HYDIN: variants seen among roughly 807,000 people sequenced by gnomAD.
HYDIN encodes the protein axonemal central pair apparatus protein HYDIN.
Under a neutral mutation model 403.9 loss-of-function variants are expected in HYDIN, and 132 were observed. That is an observed-to-expected ratio of 0.33 (90% CI 0.28 to 0.38). HYDIN has a LOEUF of 0.38. HYDIN is among the 10% of genes least tolerant of loss of function. HYDIN has a pLI of 1.00. For synonymous variants in HYDIN, 1,202 were observed against 1,891.7 expected (o/e 0.64, Z 9.46); for missense variants, 2,827 against 5,009.5 (o/e 0.56, Z 13.15).
At chr16:71,175,519 CA>C in intron 5 of HYDIN, 87 bp downstream of exon 5, 1 of 1,369,906 alleles carries the variant, frequency 7.3e-7, no homozygotes, top group Non-Finnish European at 1.0e-6. Context: ...CCACCACCAC[CA>C]CCAGCACTAC....
chr16:71,124,431 G>A (rs912831885), intron 9 of HYDIN, among the ~76,000 whole-genome samples: 18 of 151,962 alleles, frequency 1.2e-4, no homozygotes, highest in African/African-American at 4.4e-4. Context: ...TTAGGGACAG[G>A]GTCTAATCTC....
chr16:70,835,577 C>T (rs2037373507), intron 78 of HYDIN, 99 bp downstream of exon 78: 3 of 643,396 alleles, frequency 4.7e-6, no homozygotes, highest in Admixed American at 5.8e-5. Context: ...TGGCACATTA[C>T]AGATGCACAA....
intron 45 of HYDIN, among the ~76,000 whole-genome samples, chr16:70,922,372 T>TA (rs2077021748): frequency 6.6e-6 from 1 of 152,232 alleles, no homozygotes; most frequent in South Asian, 2.1e-4. Flanking sequence ...AGCTGGAGGC[T>TA]AGCAGTAAAC....
At chr16:70,938,856 C>A in intron 43 of HYDIN, 101 bp from the exon 44 acceptor site, 2 of 1,148,694 alleles carry the variant, frequency 1.7e-6, no homozygotes, top group Non-Finnish European at 2.5e-6. Context: ...GCAGCTGGTA[C>A]GGCGCCTGGT....
chr16:70,811,078 A>G (rs987466401), intron 84 of HYDIN, among the ~76,000 whole-genome samples: 7 of 152,196 alleles, frequency 4.6e-5, no homozygotes, highest in South Asian at 2.1e-4. Flanking sequence ...ATACTTTTAT[A>G]TAGGTAAAAT....
Position 70,834,076 on chromosome 16 carries a change from A to G in HYDIN, c.13490T>C (p.Val4497Ala). The G allele has an allele frequency of 1.3e-6, 2 of 1,598,944 alleles. No individual in the cohort carries two copies. The highest frequency in any genetic ancestry group is 1.7e-6 in the Non-Finnish European group (2 of 1,167,320). Reference sequence around the variant, plus strand: ...GAACACTTCCTCAGAGAAGGGAGGGACACGCTTCTTCGGGGCAAAGATGAC... The same window carrying G: ...GAACACTTCCTCAGAGAAGGGAGGGGCACGCTTCTTCGGGGCAAAGATGAC... ...LEVIFAPKKR[V>A]PPFSEEVFME... The change falls in exon 79 of 86, where the codon GTC becomes GCC. Residue 4497 changes from valine to alanine, a missense_variant. Transcript: ENST00000393567.
intron 17 of HYDIN, among the ~76,000 whole-genome samples, chr16:71,061,860 C>CTGTGTGTGTGTGTGTG (rs1405399157): frequency 2.0e-5 from 1 of 50,168 alleles, no homozygotes; most frequent in African/African-American, 9.7e-5. Flanking sequence ...GCATGTGTGA[C>CTGTGTGTGTGTGTGTG]AGTGTGTGTG....
intron 1 of HYDIN, among the ~76,000 whole-genome samples, chr16:71,212,227 C>T (rs936673317): frequency 1.1e-4 from 16 of 152,068 alleles, no homozygotes; most frequent in Admixed American, 8.5e-4. Flanking sequence ...GCTGTGATAA[C>T]AGTATTGTGG....
intron 40 of HYDIN, among the ~76,000 whole-genome samples, chr16:70,954,560 C>CTATCTAGG (rs1180342699): frequency 6.6e-6 from 1 of 152,094 alleles, no homozygotes; most frequent in Non-Finnish European, 1.5e-5. Flanking sequence ...CCTGTGTTCC[C>CTATCTAGG]TATCTAGGTA....
At chr16:71,024,098 A>G (rs2080599559) in intron 21 of HYDIN, among the ~76,000 whole-genome samples, 1 of 152,204 alleles carries the variant, frequency 6.6e-6, no homozygotes, top group Non-Finnish European at 1.5e-5. Context: ...ATAGACCTTA[A>G]TAAACATTCC....
chr16:70,958,972 T>C (rs553556374), intron 39 of HYDIN, among the ~76,000 whole-genome samples: 1 of 151,342 alleles, frequency 6.6e-6, no homozygotes, highest in African/African-American at 2.4e-5. Context: ...CAAATTCTCT[T>C]TTCTGAGTGG....
intron 6 of HYDIN, among the ~76,000 whole-genome samples, chr16:71,158,463 C>G (rs920999238): frequency 6.6e-6 from 1 of 150,806 alleles, no homozygotes; most frequent in African/African-American, 2.4e-5. Context: ...ATTTTTGCTT[C>G]ACATTTACAT....
intron 50 of HYDIN, among the ~76,000 whole-genome samples, chr16:70,905,474 T>G (rs1464850634): frequency 1.3e-5 from 2 of 150,640 alleles, no homozygotes; most frequent in African/African-American, 4.9e-5. Context: ...AAACCCCATC[T>G]CTACAAAAAT....
At position 71,064,825 on chromosome 16, in the gene HYDIN, G is replaced by A. The variant is rs760808536; in HGVS notation, c.2091C>T (p.Ala697=). The change falls in exon 16 of 86, where the codon GCC becomes GCT. Residue 697 remains alanine (A), a synonymous_variant. Transcript: ENST00000393567. ...LLITARCVVP[A]LHLVNTEVDF... ...CCACCTCTGTATTGACCAGGTGGAGGGCAGGTACAACACACCTGCTCGGAG... is the reference window on the plus strand; with the variant it reads ...CCACCTCTGTATTGACCAGGTGGAGAGCAGGTACAACACACCTGCTCGGAG... The A allele has an allele frequency of 3.7e-6, 6 of 1,609,370 alleles. No individual in the cohort carries two copies. The highest frequency in any genetic ancestry group is 5.1e-6 in the Non-Finnish European group (6 of 1,177,652).
chr16:70,904,924 GAGGC>G (rs1395768738), intron 50 of HYDIN, among the ~76,000 whole-genome samples: 1 of 151,864 alleles, frequency 6.6e-6, no homozygotes, highest in Non-Finnish European at 1.5e-5. Context: ...TCACTGTTAG[GAGGC>G]AGTTTCTGTT....
At chr16:71,033,207 G>A (rs1364519951) in intron 18 of HYDIN, among the ~76,000 whole-genome samples, 1 of 152,230 alleles carries the variant, frequency 6.6e-6, no homozygotes, top group Non-Finnish European at 1.5e-5. Flanking sequence ...GGAGGCCAGA[G>A]TGAAACTACT....
chr16:70,887,321 G>C (rs2041200051), intron 58 of HYDIN, among the ~76,000 whole-genome samples: 1 of 151,976 alleles, frequency 6.6e-6, no homozygotes, highest in African/African-American at 2.4e-5. Context: ...TAATCACAAG[G>C]GTCCTTAGAA....
At chr16:71,098,733 TAAAAAAA>T (rs56001948) in intron 10 of HYDIN, among the ~76,000 whole-genome samples, 2 of 128,184 alleles carry the variant, frequency 1.6e-5, no homozygotes, top group Admixed American at 7.6e-5. Flanking sequence ...CTGCCTTTCT[TAAAAAAA>T]AAAAAAAAAA....
intron 45 of HYDIN, among the ~76,000 whole-genome samples, chr16:70,928,749 G>T (rs1477901394): frequency 8.6e-6 from 1 of 115,728 alleles, no homozygotes; most frequent in South Asian, 3.6e-4. Flanking sequence ...TAACATTTGG[G>T]AGAAATTTGC....
Sources: gnomAD v4.1 joint callset for allele counts (sites outside exome capture counted in the v4.1 genomes callset) on GRCh38, gnomAD v4.1.1 for gene constraint, MANE v1.5 for transcripts, NCBI Gene and HGNC (gene_info 2026-07-23, HGNC 2026-07-21) for gene names.